TRIM5: variants seen among roughly 807,000 people sequenced by gnomAD.
TRIM5 encodes tripartite motif-containing protein 5.
Under a neutral mutation model 35.6 loss-of-function variants are expected in TRIM5, and 31 were observed. The ratio of observed to expected loss-of-function variants is 0.87; its 90% CI spans 0.65 to 1.18. The LOEUF (loss-of-function observed/expected upper bound fraction) is 1.18, where lower values mean the gene tolerates loss of function less well. Ranked by LOEUF, TRIM5 falls within the 50% of genes most tolerant of loss-of-function variation. The pLI, the probability that TRIM5 is intolerant of heterozygous loss-of-function variation, is 0.00. For synonymous variants in TRIM5, 243 were observed against 215.6 expected, an observed-to-expected ratio of 1.13 and a Z score of -1.11; for missense variants, 609 against 591.6, an observed-to-expected ratio of 1.03 and a Z score of -0.31.
At chr11:5,648,683 C>T in the TRIM5 span, among the ~76,000 whole-genome samples, 1 of 152,100 alleles carries the variant, frequency 6.6e-6, no homozygotes, top group South Asian at 2.1e-4. Flanking sequence ...GTGAGGCTGT[C>T]AAGTTCTCTA....
At chr11:5,604,678 G>A in the TRIM5 span, 108 of 1,585,620 alleles carry the variant, frequency 6.8e-5, no homozygotes, top group Non-Finnish European at 9.2e-5. Context: ...ATCATGGCAG[G>A]TCATAGGAGC....
chr11:5,611,550 T>A, the TRIM5 span: 1 of 506,230 alleles, frequency 2.0e-6, no homozygotes, highest in South Asian at 2.9e-5. Flanking sequence ...GCCTCCTGGG[T>A]TCAAGCGAAC....
the TRIM5 span, among the ~76,000 whole-genome samples, chr11:5,641,746 A>T: frequency 2.6e-5 from 4 of 152,212 alleles, no homozygotes; most frequent in Non-Finnish European, 4.4e-5. Context: ...CTCCTATGGA[A>T]AAGTGTAGTC....
the TRIM5 span, chr11:5,644,131 A>G: frequency 2.5e-6 from 1 of 400,910 alleles, no homozygotes; most frequent in Admixed American, 4.3e-5. Context: ...TACCCCAGGT[A>G]CATCAAGGAA....
the TRIM5 span, among the ~76,000 whole-genome samples, chr11:5,636,195 GA>G: frequency 2.6e-5 from 4 of 152,148 alleles, no homozygotes; most frequent in Admixed American, 1.3e-4. Flanking sequence ...GTTTAGCTGT[GA>G]AAAATAATGA....
intron 1 of TRIM5, 29 bp from the exon 2 acceptor site, chr11:5,680,267 C>A (rs529970852): frequency 5.4e-6 from 7 of 1,302,112 alleles, no homozygotes; most frequent in Admixed American, 2.5e-5. Context: ...TAAAATGGGA[C>A]CAAGTAAGAA....
At chr11:5,596,718 G>C in the TRIM5 span, 1 of 912,580 alleles carries the variant, frequency 1.1e-6, no homozygotes, top group Non-Finnish European at 1.7e-6. Context: ...GGCGGAGGAG[G>C]GATCCCCTGC....
At chr11:5,631,566 C>T in the TRIM5 span, among the ~76,000 whole-genome samples, 1 of 152,134 alleles carries the variant, frequency 6.6e-6, no homozygotes, top group Non-Finnish European at 1.5e-5. Context: ...ATTGCTGTTT[C>T]TGTCGGTATC....
Position 5,679,844 on chromosome 11 carries a change from C to A in TRIM5, c.334G>T (p.Val112Phe), listed in dbSNP as rs11601507. The A allele has an allele frequency of 0.077, 123,753 of 1,613,378 alleles. 5,741 individuals carry two copies. Among genetic ancestry groups the A allele is most frequent in the South Asian group, 0.18 (16,726 of 90,966 alleles). Residue 112 changes from valine to phenylalanine, a missense_variant, in exon 2 of 8, where the codon GTC (valine) becomes TTC (phenylalanine). By Grantham distance (50) the Val-to-Phe change is conservative. Transcript: ENST00000380034. ...LLLFCQEDGK[V>F]ICWLCERSQE... ...GACCGCTCACAAAGCCAGCAAATGACCTTCCCGTCCTCCTGACAGAAGAGT... is the reference window on the plus strand; with the variant it reads ...GACCGCTCACAAAGCCAGCAAATGAACTTCCCGTCCTCCTGACAGAAGAGT...
chr11:5,627,293 G>C, the TRIM5 span, among the ~76,000 whole-genome samples: 1 of 151,796 alleles, frequency 6.6e-6, no homozygotes, highest in Non-Finnish European at 1.5e-5. Flanking sequence ...GGCAAGAGAA[G>C]CGCTTGAACC....
intron 4 of TRIM5, among the ~76,000 whole-genome samples, chr11:5,673,992 A>T (rs1564916441): frequency 2.0e-5 from 3 of 152,152 alleles, no homozygotes; most frequent in Non-Finnish European, 4.4e-5. Flanking sequence ...TAGAAAAGGA[A>T]CAACAAAAAA....
At chr11:5,606,909 A>T in the TRIM5 span, among the ~76,000 whole-genome samples, 34 of 152,236 alleles carry the variant, frequency 2.2e-4, no homozygotes, top group African/African-American at 7.0e-4. Context: ...GCCCATTAAG[A>T]TTTTATAGCC....
chr11:5,624,119 T>C, the TRIM5 span, among the ~76,000 whole-genome samples: 1 of 152,200 alleles, frequency 6.6e-6, no homozygotes, highest in Admixed American at 6.5e-5. Flanking sequence ...CAAGGTTACC[T>C]CAGTTTCAAA....
At chr11:5,678,121 T>C (rs1852133490) in intron 4 of TRIM5, 83 bp downstream of exon 4, 1 of 1,205,502 alleles carries the variant, frequency 8.3e-7, no homozygotes, top group African/African-American at 1.5e-5. Context: ...TTGTTAATAT[T>C]AGAAAAAGCA....
At chr11:5,610,951 T>G in the TRIM5 span, 1 of 1,614,012 alleles carries the variant, frequency 6.2e-7, no homozygotes, top group South Asian at 1.1e-5. Flanking sequence ...TACTGGGAGG[T>G]AGATGTGGCC....
chr11:5,596,665 A>AAACTCCTGACCTGTGGGTCCG, the TRIM5 span: 1 of 556,718 alleles, frequency 1.8e-6, no homozygotes, highest in Non-Finnish European at 3.1e-6. Context: ...AGCCTTCCGC[A>AAACTCCTGACCTGTGGGTCCG]AACTCCTGAC....
the TRIM5 span, chr11:5,605,330 C>G: frequency 6.2e-7 from 1 of 1,613,940 alleles, no homozygotes; most frequent in Non-Finnish European, 8.5e-7. Context: ...CTTCCCTGTT[C>G]CTGAAGAATC....
the TRIM5 span, chr11:5,632,505 G>A: frequency 5.0e-6 from 8 of 1,614,030 alleles, no homozygotes; most frequent in Non-Finnish European, 6.8e-6. Flanking sequence ...GCTGTCCTGT[G>A]TGTGGTATCA....
the TRIM5 span, among the ~76,000 whole-genome samples, chr11:5,608,941 C>G: frequency 2.1e-5 from 3 of 144,082 alleles, no homozygotes; most frequent in South Asian, 4.5e-4. Context: ...CCTTCCTGCC[C>G]GTGAATTTTA....
Sources: allele counts gnomAD v4.1 joint callset (sites outside exome capture counted in the v4.1 genomes callset), GRCh38; gene constraint gnomAD v4.1.1; transcripts MANE v1.5; gene names NCBI Gene and HGNC (gene_info 2026-07-23, HGNC 2026-07-21).